The following MTHFD2L variants were observed in gnomAD, a reference collection of about 807,000 sequenced individuals.
MTHFD2L encodes the protein methylenetetrahydrofolate dehydrogenase (NADP+ dependent) 2 like, also known as bifunctional methylenetetrahydrofolate dehydrogenase/cyclohydrolase 2, mitochondrial.
MTHFD2L carries 29 observed loss-of-function variants against 34.9 expected under a neutral mutation model. That is an observed-to-expected ratio of 0.83 (90% confidence interval 0.62 to 1.13). The LOEUF is 1.13. Ranked by LOEUF, MTHFD2L falls within the 50% of genes most tolerant of loss-of-function variation. The pLI, the probability that MTHFD2L is intolerant of heterozygous loss-of-function variation, is 0.00. For missense variants in MTHFD2L, 481 were observed against 446.5 expected (o/e 1.08, Z -0.70); for synonymous variants, 167 against 155.7 (o/e 1.07, Z -0.54).
chr4:74,177,039 C>G (rs1729181871), intron 3 of MTHFD2L, among the ~76,000 whole-genome samples: 1 of 151,876 alleles, frequency 6.6e-6, no homozygotes, highest in East Asian at 1.9e-4. Flanking sequence ...TGACAAAAAT[C>G]ATCAAGTTAA....
intron 5 of MTHFD2L, among the ~76,000 whole-genome samples, chr4:74,223,248 T>C (rs1376627065): frequency 2.0e-5 from 3 of 151,208 alleles, no homozygotes; most frequent in Admixed American, 6.6e-5. Context: ...ACACACTACA[T>C]ACACACACAC....
At chr4:74,290,901 G>T (rs1453943455) in intron 7 of MTHFD2L, among the ~76,000 whole-genome samples, 5 of 148,480 alleles carry the variant, frequency 3.4e-5, no homozygotes, top group Admixed American at 2.7e-4. Flanking sequence ...TACTCATTTT[G>T]CTCTTAATGC....
At chr4:74,190,432 T>C in intron 3 of MTHFD2L, 1 of 975,364 alleles carries the variant, frequency 1.0e-6, no homozygotes, top group Non-Finnish European at 1.2e-6. Flanking sequence ...TAAGCCTGCC[T>C]GAGGACATCC....
At chr4:74,160,070 G>C in intron 1 of MTHFD2L, 1 of 1,289,328 alleles carries the variant, frequency 7.8e-7, no homozygotes, top group Non-Finnish European at 1.0e-6. Context: ...GCAGAGAGAA[G>C]AGATTCCATC....
chr4:74,194,758 C>T (rs1733176677), intron 3 of MTHFD2L: 1 of 152,232 alleles, frequency 6.6e-6, no homozygotes, highest in Admixed American at 6.5e-5. Flanking sequence ...GTGTAGCCAG[C>T]TGCTCGAACC....
intron 6 of MTHFD2L, among the ~76,000 whole-genome samples, chr4:74,234,737 C>A (rs1384274950): frequency 6.6e-6 from 1 of 151,188 alleles, no homozygotes. Flanking sequence ...CTTGCTAGTG[C>A]AATATTAGAT....
At chr4:74,124,943 A>G (rs1721969035), upstream of MTHFD2L, among the ~76,000 whole-genome samples, 1 of 146,840 alleles carries the variant, frequency 6.8e-6, no homozygotes, top group Non-Finnish European at 1.5e-5. Flanking sequence ...ACAGAACAGC[A>G]AAAAAAAAAA....
intron 6 of MTHFD2L, among the ~76,000 whole-genome samples, chr4:74,238,371 T>G (rs1288228426): frequency 6.6e-6 from 1 of 152,144 alleles, no homozygotes; most frequent in Non-Finnish European, 1.5e-5. Context: ...GACATAAATG[T>G]TAGACTGAAA....
intron 1 of MTHFD2L, among the ~76,000 whole-genome samples, chr4:74,134,471 G>A (rs1722767086): frequency 6.6e-6 from 1 of 152,014 alleles, no homozygotes; most frequent in Non-Finnish European, 1.5e-5. Context: ...GCAGCAAGCT[G>A]GCAGTTAAGA....
chr4:74,281,498 C>A lies in MTHFD2L; in HGVS notation c.879C>A (p.Val293=), dbSNP rs1460042675. ...TAATTGATGTGGGTATCAACTATGT[C>A]CACGATCCAGTGACAGGAAAGACAA... ...AAVIDVGINY[V]HDPVTGKTKL... The change falls in exon 7 of 8, where the codon GTC becomes GTA. Residue 293 remains valine (V), a synonymous_variant. Coordinates refer to ENST00000325278, the MANE Select transcript of MTHFD2L (RefSeq NM_001144978.3). 1.2e-6 allele frequency: 2 copies of A among 1,612,474 alleles called. No homozygotes were observed. The highest frequency in any genetic ancestry group is 2.7e-5 in the African/African-American group (2 of 74,808).
intron 6 of MTHFD2L, among the ~76,000 whole-genome samples, chr4:74,262,060 G>T (rs1744745111): frequency 7.5e-6 from 1 of 133,912 alleles, no homozygotes; most frequent in South Asian, 2.3e-4. Context: ...GACAAATAAT[G>T]GGGAAGGATG....
upstream of MTHFD2L, chr4:74,156,893 G>A (rs1379272056): frequency 6.6e-6 from 1 of 151,958 alleles, no homozygotes; most frequent in Non-Finnish European, 1.5e-5. Context: ...TTTTAACTGA[G>A]TTGCTTTTCT....
intron 7 of MTHFD2L, among the ~76,000 whole-genome samples, chr4:74,291,067 G>GAGTGC (rs1361348891): frequency 9.0e-6 from 1 of 110,978 alleles, no homozygotes; most frequent in African/African-American, 3.3e-5. Flanking sequence ...GCCCAGGCTG[G>GAGTGC]AGTGCAGTGG....
At chr4:74,209,051 G>T (rs943957509) in intron 5 of MTHFD2L, among the ~76,000 whole-genome samples, 6 of 152,078 alleles carry the variant, frequency 3.9e-5, no homozygotes, top group Non-Finnish European at 8.8e-5. Context: ...CTGCAGGTGA[G>T]AAGAGACAAA....
intron 6 of MTHFD2L, among the ~76,000 whole-genome samples, chr4:74,239,699 T>G (rs1741419398): frequency 6.6e-6 from 1 of 152,166 alleles, no homozygotes; most frequent in African/African-American, 2.4e-5. Flanking sequence ...AGTGTGCAGA[T>G]TGCAGGCAAT....
intron 1 of MTHFD2L, chr4:74,164,826 A>C (rs911526235): frequency 4.4e-5 from 9 of 205,930 alleles, no homozygotes; most frequent in Middle Eastern, 2.3e-3. Context: ...TCCCTTCTTT[A>C]ATTTTTGCCT....
chr4:74,201,131 T>C, intron 4 of MTHFD2L, 132 bp from the exon 5 acceptor site: 2 of 599,936 alleles, frequency 3.3e-6, no homozygotes, highest in South Asian at 4.7e-5. Context: ...AATGTGCTCA[T>C]ATTATAGATA....
chr4:74,210,561 C>T lies in MTHFD2L; in HGVS notation c.712+9191C>T, dbSNP rs190741798. On this transcript the variant is annotated intron_variant, in intron 5 of 7. Transcript: ENST00000325278. Reference sequence around the variant, plus strand: ...ATTCCATTGGTCTATATATCTGTTTCGGTACCAGTACCATGCTGTTTTTAT... The same window carrying T: ...ATTCCATTGGTCTATATATCTGTTTTGGTACCAGTACCATGCTGTTTTTAT... Among the ~76,000 whole-genome samples, 1,106 of 152,106 alleles carry T rather than the reference C, an allele frequency of 7.3e-3. 20 individuals are homozygous for T. Among genetic ancestry groups the T allele is most frequent in the African/African-American group, 0.025 (1,041 of 41,506 alleles).
intron 6 of MTHFD2L, among the ~76,000 whole-genome samples, chr4:74,248,587 G>A (rs1259780082): frequency 2.7e-5 from 4 of 146,816 alleles, no homozygotes; most frequent in East Asian, 2.0e-4. Flanking sequence ...TGTCAATTTT[G>A]GATCTTTCCT....
Sources: gnomAD v4.1 joint callset for allele counts (sites outside exome capture counted in the v4.1 genomes callset) on GRCh38, gnomAD v4.1.1 for gene constraint, MANE v1.5 for transcripts, NCBI Gene and HGNC (gene_info 2026-07-23, HGNC 2026-07-21) for gene names.